ALKBH8: variants seen among roughly 807,000 people sequenced by gnomAD.
The protein encoded by ALKBH8 is tRNA (carboxymethyluridine(34)-5-O)-methyltransferase ALKBH8.
Under a neutral mutation model 59.8 loss-of-function variants are expected in ALKBH8, and 36 were observed. The observed-to-expected ratio is 0.60, with a 90% confidence interval of 0.46 to 0.79. ALKBH8 has a LOEUF of 0.79. Among genes scored for constraint, ALKBH8 ranks in the 30% least tolerant of loss-of-function variants. The probability of loss-of-function intolerance (pLI) is 0.00; values close to 1 mark genes in which losing one functional copy is unlikely to be tolerated. For missense variants in ALKBH8, 768 were observed against 801.0 expected, an observed-to-expected ratio of 0.96 and a Z score of 0.50; for synonymous variants, 276 against 273.6, an observed-to-expected ratio of 1.01 and a Z score of -0.09.
chr11:107,549,972 G>A (rs1230271546), intron 6 of ALKBH8, 149 bp from the exon 7 acceptor site: 2 of 543,778 alleles, frequency 3.7e-6, no homozygotes, highest in South Asian at 2.9e-5. Flanking sequence ...AAACATTTAG[G>A]GTGAATGTGA....
chr11:107,535,504 T>C (rs1863777963), intron 7 of ALKBH8, among the ~76,000 whole-genome samples: 1 of 152,194 alleles, frequency 6.6e-6, no homozygotes, highest in African/African-American at 2.4e-5. Flanking sequence ...TCCCTGATAA[T>C]TAGTGATGTT....
Position 107,556,758 on chromosome 11 carries a change from G to A in ALKBH8, c.367+8C>T. The A allele has an allele frequency of 7.5e-7, 1 of 1,329,184 alleles. No homozygotes were observed. The highest frequency in any genetic ancestry group is 2.6e-5 in the South Asian group (1 of 38,356). The allele number at this position is 1,329,184 out of a possible 1,614,324, so 82.3% of individuals were successfully genotyped here. ...ATCATTTTTTAAAAGATAATTGTAT[G>A]ATAATACCTTTTTCCACAAAATTCA... On this transcript the variant is annotated splice_region_variant and intron_variant, in intron 3 of 11. Transcript: ENST00000428149.
intron 1 of ALKBH8, among the ~76,000 whole-genome samples, chr11:107,561,301 T>C (rs921358899): frequency 4.6e-5 from 7 of 151,870 alleles, no homozygotes; most frequent in African/African-American, 1.7e-4. Context: ...ATTAGCAGAC[T>C]CTACAGTATG....
chr11:107,510,333 T>C (rs1862569686), intron 11 of ALKBH8, among the ~76,000 whole-genome samples: 1 of 152,062 alleles, frequency 6.6e-6, no homozygotes, highest in Admixed American at 6.6e-5. Context: ...ATTAAATTCA[T>C]TTATTTTAAA....
intron 9 of ALKBH8, among the ~76,000 whole-genome samples, chr11:107,524,400 G>C (rs1464592653): frequency 6.6e-6 from 1 of 152,024 alleles, no homozygotes; most frequent in African/African-American, 2.4e-5. Context: ...TCTGTAAACT[G>C]AATCCCCAAT....
intron 11 of ALKBH8, among the ~76,000 whole-genome samples, chr11:107,506,661 G>A (rs190331261): frequency 6.6e-6 from 1 of 151,768 alleles, no homozygotes; most frequent in East Asian, 1.9e-4. Flanking sequence ...GAAAAAGAGG[G>A]GAAAATACAG....
intron 7 of ALKBH8, among the ~76,000 whole-genome samples, chr11:107,534,945 C>T (rs147194718): frequency 1.3e-5 from 2 of 152,252 alleles, no homozygotes; most frequent in African/African-American, 4.8e-5. Context: ...TCCAATGTAT[C>T]ATTCTTATGC....
At chr11:107,553,067 AT>A in intron 5 of ALKBH8, 40 bp downstream of exon 5, 1 of 1,274,958 alleles carries the variant, frequency 7.8e-7, no homozygotes, top group Admixed American at 2.2e-5. Context: ...ATATATTAAT[AT>A]TTTTGAGCCA....
Position 107,557,009 on chromosome 11 carries a change from A to G in ALKBH8, c.130-6T>C, listed in dbSNP as rs1167836331. The G allele has an allele frequency of 1.3e-6, 2 of 1,535,132 alleles. No homozygotes were observed. The highest frequency in any genetic ancestry group is 4.7e-5 in the East Asian group (2 of 42,310). ...CCATTGGCAACAACCAGGCTCTTAA[A>G]AAACAAACAAACAAACAAAAAGAAA... On this transcript the variant is annotated splice_region_variant and splice_polypyrimidine_tract_variant and intron_variant, in intron 2 of 11. Coordinates refer to ENST00000428149, the MANE Select transcript of ALKBH8 (RefSeq NM_138775.3).
Position 107,505,238 on chromosome 11 carries a change from A to G in ALKBH8, c.1438-23T>C, listed in dbSNP as rs547745993. The stretch of plus-strand genomic sequence containing the variant: ...CTCCTAATGAAAAAAAACAAAACAC[A>G]TGATCAACCTGGAAGAGACAGGAAA... On this transcript the variant is annotated intron_variant, in intron 11 of 11. Coordinates refer to ENST00000428149, the MANE Select transcript of ALKBH8 (RefSeq NM_138775.3). 14 of 1,496,156 alleles carry G rather than the reference A, an allele frequency of 9.4e-6. No individual in the cohort carries two copies. In the East Asian group the frequency reaches 2.7e-4, roughly 29 times the overall value. 92.7% of individuals were successfully genotyped at this position (1,496,156 alleles called of 1,614,324 possible).
chr11:107,514,129 G>A (rs938881693), intron 10 of ALKBH8, among the ~76,000 whole-genome samples: 1 of 152,028 alleles, frequency 6.6e-6, no homozygotes, highest in African/African-American at 2.4e-5. Context: ...AAATTTACAT[G>A]AGTATGCAGT....
intron 7 of ALKBH8, among the ~76,000 whole-genome samples, chr11:107,538,818 T>A (rs1017696929): frequency 6.6e-6 from 1 of 152,204 alleles, no homozygotes; most frequent in East Asian, 1.9e-4. Flanking sequence ...ATCCTGATCC[T>A]TAATGGTTAG....
intron 8 of ALKBH8, among the ~76,000 whole-genome samples, chr11:107,529,113 C>T (rs1242747770): frequency 1.3e-5 from 2 of 152,206 alleles, no homozygotes; most frequent in Non-Finnish European, 2.9e-5. Context: ...GAGTGCCTGG[C>T]TTCTGATCCT....
At chr11:107,510,255 A>C (rs1862566810) in intron 11 of ALKBH8, among the ~76,000 whole-genome samples, 1 of 152,198 alleles carries the variant, frequency 6.6e-6, no homozygotes, top group Non-Finnish European at 1.5e-5. Context: ...AATCAAGGGA[A>C]TGACTGCTGA....
At chr11:107,528,340 G>A (rs1276337212) in intron 8 of ALKBH8, among the ~76,000 whole-genome samples, 1 of 151,850 alleles carries the variant, frequency 6.6e-6, no homozygotes, top group Non-Finnish European at 1.5e-5. Flanking sequence ...GTAGGAGAAT[G>A]GCTTTTTTAT....
chr11:107,515,235 T>C (rs145658073), intron 10 of ALKBH8, among the ~76,000 whole-genome samples: 5 of 152,366 alleles, frequency 3.3e-5, no homozygotes, highest in East Asian at 1.9e-4. Flanking sequence ...TGTTGCATCA[T>C]GTCAACAGGA....
At chr11:107,518,383 C>A (rs1246411851) in intron 10 of ALKBH8, among the ~76,000 whole-genome samples, 2 of 152,238 alleles carry the variant, frequency 1.3e-5, no homozygotes, top group Admixed American at 1.3e-4. Context: ...CAGCCCTGAA[C>A]TCCTGGAGAG....
At chr11:107,512,794 T>C (rs1862692844) in intron 10 of ALKBH8, among the ~76,000 whole-genome samples, 2 of 152,310 alleles carry the variant, frequency 1.3e-5, no homozygotes, top group Non-Finnish European at 2.9e-5. Flanking sequence ...TCCTCAGCCC[T>C]TCTGAGAATA....
At chr11:107,507,698 T>G (rs867493228) in intron 11 of ALKBH8, among the ~76,000 whole-genome samples, 1 of 152,078 alleles carries the variant, frequency 6.6e-6, no homozygotes. Context: ...GAATGTCAAA[T>G]AGTCGAAGCA....
Sources: gnomAD v4.1 joint callset for allele counts (sites outside exome capture counted in the v4.1 genomes callset) on GRCh38, gnomAD v4.1.1 for gene constraint, MANE v1.5 for transcripts, NCBI Gene and HGNC (gene_info 2026-07-23, HGNC 2026-07-21) for gene names.